SPECC1L: variants seen among roughly 807,000 people sequenced by gnomAD.
The protein encoded by SPECC1L is sperm antigen with calponin homology and coiled-coil domains 1 like, also known as cytospin-A.
In SPECC1L, 40 loss-of-function variants were observed where a neutral mutation model predicts 116.8. That is an observed-to-expected ratio of 0.34 (90% confidence interval 0.27 to 0.45). The LOEUF is 0.45. Among genes scored for constraint, SPECC1L ranks in the 20% least tolerant of loss-of-function variants. The pLI, the probability that SPECC1L is intolerant of heterozygous loss-of-function variation, is 1.00. For missense variants in SPECC1L, 1,110 were observed against 1,373.6 expected, an observed-to-expected ratio of 0.81 and a Z score of 3.03; for synonymous variants, 504 against 500.6, an observed-to-expected ratio of 1.01 and a Z score of -0.09.
At chr22:24,344,827 G>A (rs963354008) in intron 10 of SPECC1L, among the ~76,000 whole-genome samples, 3 of 152,130 alleles carry the variant, frequency 2.0e-5, no homozygotes, top group Non-Finnish European at 4.4e-5. Flanking sequence ...TAAATATAAT[G>A]AAATGTATGC....
chr22:24,368,503 G>A (rs1440212070), intron 13 of SPECC1L, among the ~76,000 whole-genome samples: 1 of 152,154 alleles, frequency 6.6e-6, no homozygotes, highest in Admixed American at 6.5e-5. Flanking sequence ...GCCATCTTTT[G>A]TCTGCTTCCC....
intron 11 of SPECC1L, among the ~76,000 whole-genome samples, chr22:24,357,574 T>G (rs1011039735): frequency 1.3e-5 from 2 of 152,230 alleles, no homozygotes; most frequent in Non-Finnish European, 2.9e-5. Flanking sequence ...CTAGACATCT[T>G]ACATGGATAG....
intron 11 of SPECC1L, among the ~76,000 whole-genome samples, chr22:24,352,767 CCTT>C (rs1401829907): frequency 2.0e-5 from 3 of 152,108 alleles, no homozygotes; most frequent in African/African-American, 2.4e-5. Context: ...AGTCACTCCC[CCTT>C]CTTCTTCCTC....
chr22:24,330,364 C>T lies in SPECC1L; in HGVS notation c.2329C>T (p.Arg777Trp), dbSNP rs1026246015. 5.0e-6 allele frequency: 8 copies of T among 1,613,970 alleles called. No individual in the cohort carries two copies. The East Asian group carries it at 1.1e-4, about 22-fold the overall frequency. Residue 777 changes from arginine to tryptophan, a missense_variant, in exon 8 of 17, where the codon CGG (arginine) becomes TGG (tryptophan). Coordinates refer to ENST00000314328, the MANE Select transcript of SPECC1L (RefSeq NM_015330.6). ...AQEEIGDLKRRLHEAQEKNEK... is the reference protein window; with the variant it reads ...AQEEIGDLKRWLHEAQEKNEK... ...AGAGGAGATTGGTGATCTAAAGCGC[C>T]GGTTACATGAGGCTCAAGAAAAAAA...
intron 14 of SPECC1L, among the ~76,000 whole-genome samples, chr22:24,390,867 C>CTTTTTTTTTTTTTTTTTTTTTTTT (rs1556306072): frequency 6.3e-5 from 3 of 47,620 alleles, no homozygotes; most frequent in Admixed American, 2.9e-4. Context: ...TTTTTTTTTT[C>CTTTTTTTTTTTTTTTTTTTTTTTT]TTTTCTTTTT....
intron 12 of SPECC1L, among the ~76,000 whole-genome samples, chr22:24,365,241 C>T (rs1398525987): frequency 1.3e-5 from 2 of 152,158 alleles, no homozygotes; most frequent in African/African-American, 4.8e-5. Flanking sequence ...CTCCTGACCT[C>T]AAGTGGTCTG....
intron 11 of SPECC1L, among the ~76,000 whole-genome samples, chr22:24,349,944 C>G (rs1315484492): frequency 6.6e-6 from 1 of 152,172 alleles, no homozygotes; most frequent in Non-Finnish European, 1.5e-5. Flanking sequence ...CTCCCCATTT[C>G]TTCTAGAAGA....
At chr22:24,277,171 T>G (rs1206111289) in intron 2 of SPECC1L, among the ~76,000 whole-genome samples, 2 of 152,246 alleles carry the variant, frequency 1.3e-5, no homozygotes. Flanking sequence ...CACTTCGTCT[T>G]GCTCCATCTC....
intron 14 of SPECC1L, among the ~76,000 whole-genome samples, chr22:24,391,268 C>A (rs1487684041): frequency 6.6e-6 from 1 of 152,160 alleles, no homozygotes; most frequent in Non-Finnish European, 1.5e-5. Flanking sequence ...TCAGGGCATT[C>A]CTTTTAATGT....
intron 14 of SPECC1L, among the ~76,000 whole-genome samples, chr22:24,383,908 C>T (rs548710979): frequency 1.4e-5 from 2 of 147,704 alleles, no homozygotes; most frequent in East Asian, 4.0e-4. Context: ...CCACCTGGGC[C>T]CCCCAAAGTG....
At chr22:24,338,987 C>T (rs1014057695) in intron 10 of SPECC1L, among the ~76,000 whole-genome samples, 1 of 152,208 alleles carries the variant, frequency 6.6e-6, no homozygotes, top group Non-Finnish European at 1.5e-5. Context: ...GCCTTTACTG[C>T]ATAGCAAATC....
intron 2 of SPECC1L, among the ~76,000 whole-genome samples, chr22:24,282,023 G>A (rs1321946570): frequency 2.0e-5 from 3 of 152,234 alleles, no homozygotes. Flanking sequence ...TAGGTGGGGG[G>A]AAGCCGATGG....
intron 4 of SPECC1L, among the ~76,000 whole-genome samples, chr22:24,314,414 A>T (rs2040520790): frequency 6.6e-6 from 1 of 152,252 alleles, no homozygotes; most frequent in South Asian, 2.1e-4. Flanking sequence ...ACTGATAATC[A>T]TTCCTTAAAT....
chr22:24,334,577 A>T lies in SPECC1L; in HGVS notation c.2560+4A>T. On this transcript the variant is annotated splice_donor_region_variant and intron_variant, in intron 9 of 16. Coordinates refer to ENST00000314328, the MANE Select transcript of SPECC1L (RefSeq NM_015330.6). ...TCCTTTGACAGTGCATCTCAAGGTA[A>T]TTAATTTCTCCTACATTGTGCCTAC... 1 of 1,614,118 alleles carries T rather than the reference A, an allele frequency of 6.2e-7. No individual in the cohort carries two copies.
intron 2 of SPECC1L, among the ~76,000 whole-genome samples, chr22:24,295,808 C>T (rs909149593): frequency 3.9e-5 from 6 of 152,106 alleles, no homozygotes; most frequent in Middle Eastern, 3.4e-3. Context: ...ATTAGCCAAG[C>T]GTGGTGGCAG....
chr22:24,375,168 G>A (rs532877365), intron 14 of SPECC1L, among the ~76,000 whole-genome samples: 63 of 152,258 alleles, frequency 4.1e-4, no homozygotes, highest in Non-Finnish European at 8.2e-4. Context: ...CAACTAATGA[G>A]ATTGAGTTAG....
chr22:24,315,873 CT>C (rs1276745844), intron 4 of SPECC1L, among the ~76,000 whole-genome samples: 3 of 152,190 alleles, frequency 2.0e-5, no homozygotes, highest in Non-Finnish European at 2.9e-5. Flanking sequence ...AGATGGCTGC[CT>C]TCTCTGTGTC....
chr22:24,313,238 T>C, intron 3 of SPECC1L, 75 bp from the exon 4 acceptor site: 1 of 1,509,252 alleles, frequency 6.6e-7, no homozygotes, highest in Non-Finnish European at 9.2e-7. Context: ...ATAAAAGTCA[T>C]GAGCTTTGTT....
At chr22:24,313,259 A>G (rs190143291) in intron 3 of SPECC1L, 54 bp from the exon 4 acceptor site, 2 of 1,595,156 alleles carry the variant, frequency 1.3e-6, no homozygotes, top group East Asian at 2.2e-5. Flanking sequence ...GAGTCTCAAA[A>G]TATCTAATCT....
Sources: allele counts gnomAD v4.1 joint callset (sites outside exome capture counted in the v4.1 genomes callset), GRCh38; gene constraint gnomAD v4.1.1; transcripts MANE v1.5; gene names NCBI Gene and HGNC (gene_info 2026-07-23, HGNC 2026-07-21).